Variants in KATNAL2 observed in about 807,000 individuals in gnomAD.
KATNAL2 encodes the protein katanin catalytic subunit A1 like 2.
Under a neutral mutation model 76.3 loss-of-function variants are expected in KATNAL2, and 52 were observed. The ratio of observed to expected loss-of-function variants is 0.68; its 90% confidence interval spans 0.55 to 0.86. The LOEUF is 0.86. KATNAL2 is among the 40% of genes least tolerant of loss of function. The pLI is 0.00. For missense variants in KATNAL2, 660 were observed against 668.9 expected, an observed-to-expected ratio of 0.99 and a Z score of 0.15; for synonymous variants, 243 against 244.2, an observed-to-expected ratio of 1.00 and a Z score of 0.05.
At chr18:47,044,011 A>G (rs1275174218) in intron 3 of KATNAL2, among the ~76,000 whole-genome samples, 2 of 152,218 alleles carry the variant, frequency 1.3e-5, no homozygotes, top group East Asian at 3.8e-4. Context: ...TTAATGCCTA[A>G]CACACATATC....
At chr18:47,035,146 G>A (rs1043435194) in intron 3 of KATNAL2, 4 of 1,611,806 alleles carry the variant, frequency 2.5e-6, no homozygotes, top group African/African-American at 1.3e-5. Flanking sequence ...GATGTCTGCC[G>A]TCATGGGCAA....
chr18:46,941,569 C>T (rs139757897), intron 1 of KATNAL2, among the ~76,000 whole-genome samples: 1 of 152,212 alleles, frequency 6.6e-6, no homozygotes, highest in African/African-American at 2.4e-5. Flanking sequence ...TAGGCTTGAG[C>T]TCTATTTTCG....
chr18:47,097,073 G>A (rs1056488508), intron 15 of KATNAL2, among the ~76,000 whole-genome samples: 1 of 147,268 alleles, frequency 6.8e-6, no homozygotes, highest in African/African-American at 2.5e-5. Context: ...GAGCTGTGAC[G>A]GCACCACTGC....
chr18:46,919,577 A>G (rs1375467328), intron 1 of KATNAL2, among the ~76,000 whole-genome samples: 1 of 152,142 alleles, frequency 6.6e-6, no homozygotes, highest in Admixed American at 6.5e-5. Context: ...TGAACCCAGG[A>G]GGTGGAGGTT....
Position 47,058,267 on chromosome 18 carries a change from A to G in KATNAL2, c.365A>G (p.Lys122Arg). Residue 122 changes from lysine to arginine, a missense_variant, in exon 7 of 18, where the codon AAG (lysine) becomes AGG (arginine). By Grantham distance (26) the Lys-to-Arg change is conservative (BLOSUM62 2). Coordinates refer to ENST00000683218, the MANE Select transcript of KATNAL2 (RefSeq NM_001387690.1). ...MMNDSCQNLP[K>R]INQQRPRSKT... is the part of the protein sequence containing the mutation. ...AACGACAGTTGTCAAAATCTTCCCA[A>G]GATCAATCAGCAGAGGCCCCGGTCC... 1 of 1,614,092 alleles carries G rather than the reference A, an allele frequency of 6.2e-7. No homozygotes were observed. Among genetic ancestry groups the G allele is most frequent in the Middle Eastern group, 1.7e-4 (1 of 6,060 alleles).
chr18:47,099,241 A>G lies in KATNAL2; in HGVS notation c.1212-2A>G. 1 of 1,604,802 alleles carries G rather than the reference A, an allele frequency of 6.2e-7. No homozygotes were observed. Among genetic ancestry groups the G allele is most frequent in the Non-Finnish European group, 8.5e-7 (1 of 1,174,798 alleles). The stretch of plus-strand genomic sequence containing the variant: ...CCAGCTCCATTTCTGGTGTGATTTC[A>G]GGGAGCTGGACTGTGCCATGTTACG... On this transcript the variant is annotated splice_acceptor_variant, in intron 15 of 17. Coordinates refer to ENST00000683218, the MANE Select transcript of KATNAL2 (RefSeq NM_001387690.1). LOFTEE classifies it high-confidence loss of function.
intron 1 of KATNAL2, among the ~76,000 whole-genome samples, chr18:46,936,455 G>A: frequency 6.6e-6 from 1 of 151,796 alleles, no homozygotes; most frequent in Admixed American, 6.6e-5. Flanking sequence ...CATAACCTGG[G>A]GGTGCTGGGC....
chr18:46,956,267 G>T (rs774240118), intron 3 of KATNAL2, among the ~76,000 whole-genome samples: 2 of 152,128 alleles, frequency 1.3e-5, no homozygotes, highest in Non-Finnish European at 2.9e-5. Context: ...TACGATAAAC[G>T]CAATTTAGTG....
Position 47,078,809 on chromosome 18 carries a change from A to G in KATNAL2, c.1211+1348A>G, listed in dbSNP as rs2062367642. ...CAAATAAAATGGTTCACAGAGGTCA[A>G]AAAACCAAAAACAAAGCAAAAAACG... On this transcript the variant is annotated intron_variant, in intron 15 of 17. Coordinates refer to ENST00000683218, the MANE Select transcript of KATNAL2 (RefSeq NM_001387690.1). 3.3e-5 allele frequency among the ~76,000 whole-genome samples: 5 copies of G among 152,220 alleles called. No individual in the cohort carries two copies. The South Asian group carries it at 8.3e-4, about 25-fold the overall frequency.
chr18:47,097,052 T>C (rs1442041292), intron 15 of KATNAL2, among the ~76,000 whole-genome samples: 3 of 144,736 alleles, frequency 2.1e-5, no homozygotes, highest in Non-Finnish European at 3.0e-5. Flanking sequence ...CCAGGAGGTG[T>C]AGGTTGCAGT....
chr18:46,942,197 C>A (rs1345922482), intron 1 of KATNAL2, among the ~76,000 whole-genome samples: 1 of 106,418 alleles, frequency 9.4e-6, no homozygotes, highest in African/African-American at 3.7e-5. Context: ...TCTAATACAG[C>A]CTTTTGTTTT....
intron 10 of KATNAL2, among the ~76,000 whole-genome samples, chr18:47,066,578 G>C (rs1042388613): frequency 3.3e-5 from 5 of 152,230 alleles, no homozygotes; most frequent in Non-Finnish European, 7.4e-5. Context: ...CAAGGAGCAA[G>C]AGCAAGGCCA....
intron 3 of KATNAL2, chr18:47,035,282 G>A (rs754429422): frequency 2.5e-6 from 4 of 1,612,332 alleles, no homozygotes; most frequent in Non-Finnish European, 3.4e-6. Flanking sequence ...GAGCTGTGCA[G>A]GCGTCGCTGT....
chr18:47,069,155 T>C, intron 11 of KATNAL2, 65 bp from the exon 12 acceptor site: 1 of 1,133,806 alleles, frequency 8.8e-7, no homozygotes, highest in South Asian at 1.3e-5. Context: ...CCAGCTTGTC[T>C]GTGCTGAGAG....
chr18:47,034,751 G>C (rs1284769293), intron 3 of KATNAL2: 2 of 1,612,786 alleles, frequency 1.2e-6, no homozygotes, highest in Admixed American at 1.7e-5. Flanking sequence ...GTGCGCGTTG[G>C]AGAGGCCCGA....
chr18:46,947,379 G>T (rs1482935414), intron 3 of KATNAL2, among the ~76,000 whole-genome samples: 1 of 152,096 alleles, frequency 6.6e-6, no homozygotes, highest in East Asian at 1.9e-4. Flanking sequence ...TTCCCCTCTT[G>T]GGCTTCAGTT....
chr18:46,937,565 C>A (rs2146601514), intron 1 of KATNAL2, among the ~76,000 whole-genome samples: 1 of 152,142 alleles, frequency 6.6e-6, no homozygotes, highest in African/African-American at 2.4e-5. Context: ...CACCAAGCTG[C>A]ATATATACAT....
At chr18:46,963,024 GCAT>G in intron 3 of KATNAL2, 1 of 775,478 alleles carries the variant, frequency 1.3e-6, no homozygotes, top group South Asian at 2.0e-5. Context: ...CCTCCTGGAA[GCAT>G]CATAAGGCGT....
chr18:47,036,692 A>G (rs1467236447), intron 3 of KATNAL2, among the ~76,000 whole-genome samples: 1 of 152,244 alleles, frequency 6.6e-6, no homozygotes, highest in Non-Finnish European at 1.5e-5. Context: ...GACAATTATT[A>G]AAACAGGATC....
Sources: gnomAD v4.1 joint callset for allele counts (sites outside exome capture counted in the v4.1 genomes callset) on GRCh38, gnomAD v4.1.1 for gene constraint, MANE v1.5 for transcripts, NCBI Gene and HGNC (gene_info 2026-07-23, HGNC 2026-07-21) for gene names.